WDR27: variants seen among roughly 807,000 people sequenced by gnomAD.
The protein encoded by WDR27 is WD repeat domain 27.
A neutral mutation model predicts 114.4 loss-of-function variants in WDR27; 100 were observed. That is an observed-to-expected ratio of 0.87 (90% CI 0.74 to 1.03). WDR27 has a LOEUF of 1.03. WDR27 is among the 50% of genes least tolerant of loss of function. The pLI is 0.00. For synonymous variants in WDR27, 449 were observed against 423.1 expected, an observed-to-expected ratio of 1.06 and a Z score of -0.75; for missense variants, 1,129 against 1,092.9, an observed-to-expected ratio of 1.03 and a Z score of -0.47.
At chr6:169,642,895 T>C (rs1819596933) in intron 17 of WDR27, among the ~76,000 whole-genome samples, 1 of 152,202 alleles carries the variant, frequency 6.6e-6, no homozygotes, top group African/African-American at 2.4e-5. Context: ...ATTAGAGGTG[T>C]TTTGGAGTTC....
chr6:169,630,564 C>G (rs1336811897), intron 21 of WDR27, among the ~76,000 whole-genome samples: 1 of 152,204 alleles, frequency 6.6e-6, no homozygotes, highest in Admixed American at 6.5e-5. Flanking sequence ...TCTCATTAAG[C>G]TGCACTTGAA....
At chr6:169,655,845 G>T (rs1482403000) in intron 13 of WDR27, among the ~76,000 whole-genome samples, 2 of 152,176 alleles carry the variant, frequency 1.3e-5, no homozygotes, top group Non-Finnish European at 2.9e-5. Flanking sequence ...TCAGCCTCCT[G>T]AGTAGCTGGG....
At chr6:169,578,536 A>C (rs115584490) in intron 24 of WDR27, among the ~76,000 whole-genome samples, 110 of 152,358 alleles carry the variant, frequency 7.2e-4, no homozygotes, top group African/African-American at 2.5e-3. Flanking sequence ...AGCACTTAAT[A>C]GATTTCCTAC....
intron 25 of WDR27, among the ~76,000 whole-genome samples, chr6:169,528,993 G>C (rs1158841236): frequency 6.6e-6 from 1 of 152,172 alleles, no homozygotes; most frequent in Non-Finnish European, 1.5e-5. Context: ...AGTATTAAGA[G>C]AAAATACTCA....
At chr6:169,598,630 G>C (rs1807301909) in intron 23 of WDR27, among the ~76,000 whole-genome samples, 1 of 152,226 alleles carries the variant, frequency 6.6e-6, no homozygotes. Flanking sequence ...GGAAACGAGA[G>C]ATGTGCAGAG....
intron 25 of WDR27, among the ~76,000 whole-genome samples, chr6:169,501,766 T>C (rs1791277407): frequency 1.3e-5 from 2 of 152,212 alleles, no homozygotes; most frequent in African/African-American, 2.4e-5. Context: ...TTTGCGGTTG[T>C]CTGCTCAGTA....
chr6:169,459,546 T>C (rs771085451), intron 25 of WDR27, among the ~76,000 whole-genome samples: 4 of 151,564 alleles, frequency 2.6e-5, no homozygotes, highest in African/African-American at 4.8e-5. Context: ...TATATATACA[T>C]TTATATATGT....
chr6:169,571,580 C>A (rs1489192787), intron 25 of WDR27, among the ~76,000 whole-genome samples: 1 of 152,244 alleles, frequency 6.6e-6, no homozygotes, highest in Non-Finnish European at 1.5e-5. Context: ...GCAATCCCAG[C>A]ACTTTGGGAA....
intron 13 of WDR27, among the ~76,000 whole-genome samples, chr6:169,655,621 A>G (rs1823931665): frequency 6.6e-6 from 1 of 152,248 alleles, no homozygotes; most frequent in Non-Finnish European, 1.5e-5. Context: ...ATTCATTGTG[A>G]TGAAAGACTT....
intron 7 of WDR27, 113 bp downstream of exon 7, chr6:169,665,373 G>C (rs1827543041): frequency 2.1e-6 from 3 of 1,462,792 alleles, no homozygotes; most frequent in African/African-American, 2.8e-5. Context: ...GAGGTGGACA[G>C]GTTTTTTCAA....
At chr6:169,543,101 T>C (rs1477038106) in intron 25 of WDR27, among the ~76,000 whole-genome samples, 5 of 151,828 alleles carry the variant, frequency 3.3e-5, no homozygotes, top group Admixed American at 2.0e-4. Flanking sequence ...ATAAAGAAAA[T>C]GGGAAATGTG....
intron 8 of WDR27, among the ~76,000 whole-genome samples, chr6:169,663,942 A>AAAGCCTCTCACCCC (rs1170242080): frequency 6.6e-6 from 1 of 152,160 alleles, no homozygotes; most frequent in Non-Finnish European, 1.5e-5. Flanking sequence ...TCTGTTCACC[A>AAAGCCTCTCACCCC]AAGCCTCTCA....
rs571615107 is a variant in WDR27 at position 169,653,694 on chromosome 6, C to T, written c.1403-1686G>A. ...TCCCACAGAGAAACGCCACAAAAGC[C>T]AGAAGAAATATGTGCTTCATTTTGT... On this transcript the variant is annotated intron_variant, in intron 13 of 25. Transcript: ENST00000448612. Among the ~76,000 whole-genome samples the T allele has an allele frequency of 4.6e-5, 7 of 152,156 alleles. No homozygotes were observed. In the East Asian group the frequency reaches 1.4e-3, roughly 29 times the overall value.
At chr6:169,577,531 G>A (rs1008362868) in intron 24 of WDR27, among the ~76,000 whole-genome samples, 2 of 152,192 alleles carry the variant, frequency 1.3e-5, no homozygotes, top group Non-Finnish European at 2.9e-5. Flanking sequence ...CGGGCGGGGA[G>A]ATGGTCGGAG....
chr6:169,508,190 C>G (rs1392386152), intron 25 of WDR27, among the ~76,000 whole-genome samples: 2 of 152,258 alleles, frequency 1.3e-5, no homozygotes, highest in East Asian at 3.9e-4. Flanking sequence ...ACTCACAGGA[C>G]AGCAGTGATC....
At chr6:169,432,607 G>A in the WDR27 span, among the ~76,000 whole-genome samples, 74 of 152,300 alleles carry the variant, frequency 4.9e-4, no homozygotes, top group Middle Eastern at 3.4e-3. Context: ...CATGTAAGAC[G>A]TGCCTTTCAC....
chr6:169,507,220 T>C lies in WDR27; in HGVS notation c.2646-49586A>G, dbSNP rs570890557. On this transcript the variant is annotated intron_variant, in intron 25 of 25. Transcript: ENST00000448612. ...CACAAATGTGGACATGTGGCATCTA[T>C]AAGCTGCCTTTTTTCCCCCTTTCCT... Among the ~76,000 whole-genome samples the C allele has an allele frequency of 3.4e-4, 52 of 152,374 alleles. No individual in the cohort carries two copies. In the South Asian group the frequency reaches 9.5e-3, roughly 28 times the overall value.
chr6:169,644,963 C>T (rs1220561503), intron 16 of WDR27, among the ~76,000 whole-genome samples: 1 of 65,048 alleles, frequency 1.5e-5, no homozygotes. Context: ...GAGCCGAGAT[C>T]CCGCCACTGC....
chr6:169,494,009 G>A (rs1190952299), intron 25 of WDR27, among the ~76,000 whole-genome samples: 1 of 152,184 alleles, frequency 6.6e-6, no homozygotes, highest in Non-Finnish European at 1.5e-5. Context: ...ACTTTCGACT[G>A]TCAATTACAG....
Sources: allele counts gnomAD v4.1 joint callset (sites outside exome capture counted in the v4.1 genomes callset), GRCh38; gene constraint gnomAD v4.1.1; transcripts MANE v1.5; gene names NCBI Gene and HGNC (gene_info 2026-07-23, HGNC 2026-07-21).